The following C12orf54 variants were observed in gnomAD, a reference collection of about 807,000 sequenced individuals.
The protein encoded by C12orf54 is chromosome 12 open reading frame 54.
A neutral mutation model predicts 26.4 loss-of-function variants in C12orf54; 24 were observed. The ratio of observed to expected loss-of-function variants is 0.91; its 90% CI spans 0.66 to 1.28. The LOEUF (loss-of-function observed/expected upper bound fraction) is 1.28, where lower values mean the gene tolerates loss of function less well. Ranked by LOEUF, C12orf54 falls within the 50% of genes most tolerant of loss-of-function variation. The probability of loss-of-function intolerance (pLI) is 0.00; values close to 1 mark genes in which losing one functional copy is unlikely to be tolerated. For missense variants in C12orf54, 154 were observed against 150.9 expected, an observed-to-expected ratio of 1.02 and a Z score of -0.11; for synonymous variants, 54 against 47.0, an observed-to-expected ratio of 1.15 and a Z score of -0.61.
At chr12:48,475,858 A>G in the C12orf54 span, among the ~76,000 whole-genome samples, 3 of 152,196 alleles carry the variant, frequency 2.0e-5, no homozygotes, top group South Asian at 6.2e-4. Flanking sequence ...CCAATCTAAC[A>G]AGGCAGGCCA....
chr12:48,419,323 GT>G, the C12orf54 span, among the ~76,000 whole-genome samples: 275 of 152,258 alleles, frequency 1.8e-3, no homozygotes, highest in African/African-American at 6.1e-3. Context: ...CTTTGGAAGG[GT>G]TTTAAGCCTT....
the C12orf54 span, among the ~76,000 whole-genome samples, chr12:48,422,462 A>G: frequency 9.0e-3 from 1,370 of 152,206 alleles, 8 homozygotes; most frequent in Non-Finnish European, 0.013. Flanking sequence ...AGCTTTCTAC[A>G]CTTTGAACTC....
the C12orf54 span, among the ~76,000 whole-genome samples, chr12:48,462,185 G>T: frequency 6.8e-6 from 1 of 147,760 alleles, no homozygotes; most frequent in East Asian, 1.9e-4. Flanking sequence ...AACTACTAAA[G>T]CTCACTCAAG....
Position 48,492,990 on chromosome 12 carries a change from G to A in C12orf54, c.237G>A (p.Arg79=). 1.2e-6 allele frequency: 2 copies of A among 1,613,790 alleles called. No individual in the cohort carries two copies. Among genetic ancestry groups the A allele is most frequent in the Non-Finnish European group, 1.7e-6 (2 of 1,179,698 alleles). The change falls in exon 7 of 9, where the codon AGG becomes AGA. Residue 79 remains arginine (R), a synonymous_variant. Transcript: ENST00000548364. ...CSMTPMTSAP[R]TGSIRPPDSL... ...TGACACCCATGACATCAGCACCCAG[G>A]ACTGGGTAAGTGTCCCTATTCTGAC...
chr12:48,486,283 T>G, intron 3 of C12orf54, 75 bp downstream of exon 3: 7 of 1,467,372 alleles, frequency 4.8e-6, no homozygotes, highest in South Asian at 1.2e-5. Flanking sequence ...GAAGAGGTTG[T>G]AGACAGGAGG....
the C12orf54 span, among the ~76,000 whole-genome samples, chr12:48,435,420 G>T: frequency 2.0e-5 from 3 of 152,256 alleles, no homozygotes; most frequent in South Asian, 6.2e-4. Context: ...ATGCCACAAA[G>T]ATACTCCTTA....
the C12orf54 span, among the ~76,000 whole-genome samples, chr12:48,449,624 A>G: frequency 1.3e-5 from 2 of 152,198 alleles, no homozygotes; most frequent in Non-Finnish European, 2.9e-5. Flanking sequence ...AAAGTTCCTT[A>G]CTATTTCCAG....
At chr12:48,423,918 T>G in the C12orf54 span, among the ~76,000 whole-genome samples, 1 of 152,292 alleles carries the variant, frequency 6.6e-6, no homozygotes, top group Non-Finnish European at 1.5e-5. Context: ...GTTCTCCATC[T>G]AAGAGGGAAA....
chr12:48,422,765 A>G, the C12orf54 span, among the ~76,000 whole-genome samples: 6 of 152,186 alleles, frequency 3.9e-5, no homozygotes, highest in East Asian at 1.9e-4. Flanking sequence ...TCAAATAAGT[A>G]TGTGCAGCTG....
At chr12:48,432,302 C>T in the C12orf54 span, among the ~76,000 whole-genome samples, 15 of 152,204 alleles carry the variant, frequency 9.9e-5, no homozygotes, top group East Asian at 1.7e-3. Context: ...GAGAAACAAC[C>T]GTAGTCCTCA....
the C12orf54 span, among the ~76,000 whole-genome samples, chr12:48,415,189 CTT>C: frequency 6.6e-6 from 1 of 152,174 alleles, no homozygotes; most frequent in Non-Finnish European, 1.5e-5. Flanking sequence ...AACACTCAAA[CTT>C]CAGTATTTTT....
the C12orf54 span, among the ~76,000 whole-genome samples, chr12:48,468,230 G>A: frequency 0.14 from 22,046 of 152,112 alleles, 2,814 homozygotes; most frequent in East Asian, 0.66. Flanking sequence ...CTTTAGAGAG[G>A]GGTTATAAGA....
the C12orf54 span, among the ~76,000 whole-genome samples, chr12:48,419,925 G>A: frequency 6.6e-6 from 1 of 152,200 alleles, no homozygotes; most frequent in Non-Finnish European, 1.5e-5. Context: ...CATGCCAGGA[G>A]CCTTCCAGGT....
the C12orf54 span, among the ~76,000 whole-genome samples, chr12:48,428,650 C>G: frequency 6.6e-6 from 1 of 152,026 alleles, no homozygotes; most frequent in Admixed American, 6.6e-5. Context: ...AGACCAATAA[C>G]AAGCAGTGAG....
upstream of C12orf54, among the ~76,000 whole-genome samples, chr12:48,479,304 T>C (rs1954174959): frequency 6.6e-6 from 1 of 152,066 alleles, no homozygotes; most frequent in East Asian, 1.9e-4. Context: ...TAGGTGGGAA[T>C]TGAACAATGA....
the C12orf54 span, among the ~76,000 whole-genome samples, chr12:48,461,526 A>C: frequency 6.6e-6 from 1 of 151,970 alleles, no homozygotes. Context: ...AATTCAAGTC[A>C]TAAAAATATT....
upstream of C12orf54, among the ~76,000 whole-genome samples, chr12:48,481,787 A>G (rs1207636858): frequency 1.3e-5 from 2 of 152,146 alleles, no homozygotes; most frequent in Non-Finnish European, 2.9e-5. Flanking sequence ...GTCTGCCTAA[A>G]CACGCTATAC....
chr12:48,462,430 AC>A, the C12orf54 span, among the ~76,000 whole-genome samples: 1 of 151,666 alleles, frequency 6.6e-6, no homozygotes, highest in Non-Finnish European at 1.5e-5. Flanking sequence ...TCGGACTATG[AC>A]ATCATAAGAA....
At chr12:48,437,899 C>T in the C12orf54 span, among the ~76,000 whole-genome samples, 1 of 152,024 alleles carries the variant, frequency 6.6e-6, no homozygotes, top group East Asian at 1.9e-4. Context: ...GAAGTTCTGG[C>T]CAGGGCAATC....
Sources: allele counts gnomAD v4.1 joint callset (sites outside exome capture counted in the v4.1 genomes callset), GRCh38; gene constraint gnomAD v4.1.1; transcripts MANE v1.5; gene names NCBI Gene and HGNC (gene_info 2026-07-23, HGNC 2026-07-21).